PDE4D: variants seen among roughly 807,000 people sequenced by gnomAD.
The protein encoded by PDE4D is phosphodiesterase 4D, also known as 3',5'-cyclic-AMP phosphodiesterase 4D.
PDE4D carries 24 observed loss-of-function variants against 87.4 expected under a neutral mutation model. The ratio of observed to expected loss-of-function variants is 0.27; its 90% CI spans 0.20 to 0.39. PDE4D has a LOEUF of 0.39. Ranked by LOEUF, PDE4D falls within the 10% of genes least tolerant of loss-of-function variation. The pLI, the probability that PDE4D is intolerant of heterozygous loss-of-function variation, is 1.00. For synonymous variants in PDE4D, 384 were observed against 383.2 expected, an observed-to-expected ratio of 1.00 and a Z score of -0.02; for missense variants, 714 against 1,041.0, an observed-to-expected ratio of 0.69 and a Z score of 4.32.
chr5:59,698,762 C>A (rs536237883), intron 1 of PDE4D, among the ~76,000 whole-genome samples: 1 of 152,272 alleles, frequency 6.6e-6, no homozygotes, highest in East Asian at 1.9e-4. Context: ...AATCAACATT[C>A]TGCGCTGAAG....
At chr5:59,357,290 T>G (rs1160723293) in intron 1 of PDE4D, among the ~76,000 whole-genome samples, 2 of 152,142 alleles carry the variant, frequency 1.3e-5, no homozygotes, top group Non-Finnish European at 2.9e-5. Flanking sequence ...AGGGCTTCGT[T>G]AAAAAATTTT....
chr5:59,906,402 A>G (rs2152766348), intron 3 of PDE4D, among the ~76,000 whole-genome samples: 1 of 152,300 alleles, frequency 6.6e-6, no homozygotes, highest in African/African-American at 2.4e-5. Context: ...CAATAGAAAT[A>G]GCACATACTG....
At chr5:59,298,495 G>T (rs970370184) in intron 1 of PDE4D, among the ~76,000 whole-genome samples, 2 of 152,098 alleles carry the variant, frequency 1.3e-5, no homozygotes, top group East Asian at 3.9e-4. Flanking sequence ...CAATTTAGGA[G>T]AATTTCTGAA....
At position 59,727,413 on chromosome 5, in the gene PDE4D, C is replaced by T. The variant is rs190343786; in HGVS notation, c.455+165755G>A. 9.5e-4 allele frequency among the ~76,000 whole-genome samples: 145 copies of T among 152,162 alleles called. 2 individuals are homozygous for T. The highest frequency in any genetic ancestry group is 4.7e-3 in the Admixed American group (72 of 15,262). ...TAAAATGTGTGGGCTGGTTTATCCA[C>T]GCATTAAAAGCAAGCTTCCAGCTGA... On this transcript the variant is annotated intron_variant, in intron 1 of 14. Transcript: ENST00000340635.
intron 1 of PDE4D, among the ~76,000 whole-genome samples, chr5:59,781,143 G>A (rs1283571576): frequency 2.2e-5 from 3 of 135,290 alleles, no homozygotes; most frequent in African/African-American, 8.1e-5. Flanking sequence ...TCCAGCCTGG[G>A]TGACAAGAGT....
intron 1 of PDE4D, among the ~76,000 whole-genome samples, chr5:59,723,606 C>T (rs1206708810): frequency 2.0e-5 from 3 of 152,056 alleles, no homozygotes; most frequent in African/African-American, 7.2e-5. Flanking sequence ...GATGCAATGT[C>T]CCTGATAGGA....
chr5:58,993,043 G>A (rs540452597), intron 7 of PDE4D, among the ~76,000 whole-genome samples: 15 of 152,164 alleles, frequency 9.9e-5, no homozygotes, highest in African/African-American at 3.6e-4. Flanking sequence ...CCCAACAATG[G>A]CTGGCATTTA....
chr5:59,649,491 A>G (rs1327298711), intron 1 of PDE4D, among the ~76,000 whole-genome samples: 1 of 152,094 alleles, frequency 6.6e-6, no homozygotes, highest in African/African-American at 2.4e-5. Flanking sequence ...AGAAGAAGGA[A>G]TTGAAATGAG....
intron 1 of PDE4D, among the ~76,000 whole-genome samples, chr5:59,307,503 C>A (rs1216509371): frequency 2.0e-5 from 3 of 152,092 alleles, no homozygotes; most frequent in Non-Finnish European, 4.4e-5. Context: ...TGAACTCAAA[C>A]AAATTCACAA....
At chr5:60,307,207 A>G (rs1710340769) in intron 1 of PDE4D, among the ~76,000 whole-genome samples, 1 of 152,174 alleles carries the variant, frequency 6.6e-6, no homozygotes, top group Admixed American at 6.5e-5. Context: ...CAGAAACAGA[A>G]GCATTATTTT....
chr5:59,386,679 C>T (rs1787083643), intron 1 of PDE4D, among the ~76,000 whole-genome samples: 1 of 73,118 alleles, frequency 1.4e-5, no homozygotes, highest in Non-Finnish European at 2.9e-5. Context: ...AAGGGCAGGG[C>T]AGCGCAGGAG....
At chr5:59,238,059 G>T (rs1348064980) in intron 1 of PDE4D, among the ~76,000 whole-genome samples, 1 of 152,056 alleles carries the variant, frequency 6.6e-6, no homozygotes, top group Non-Finnish European at 1.5e-5. Flanking sequence ...AGAACACAGG[G>T]TCTAGGCAGC....
At chr5:60,203,058 T>C (rs1742112812) in intron 1 of PDE4D, among the ~76,000 whole-genome samples, 1 of 152,190 alleles carries the variant, frequency 6.6e-6, no homozygotes, top group South Asian at 2.1e-4. Context: ...CCGCAACTTC[T>C]GCCTCCCAGG....
At chr5:58,982,150 G>C (rs1184974824) in intron 11 of PDE4D, among the ~76,000 whole-genome samples, 1 of 152,156 alleles carries the variant, frequency 6.6e-6, no homozygotes, top group Admixed American at 6.5e-5. Context: ...TGGGTCACTG[G>C]GGGTAATTAT....
intron 2 of PDE4D, among the ~76,000 whole-genome samples, chr5:60,003,525 G>C (rs574174285): frequency 7.2e-5 from 11 of 151,864 alleles, no homozygotes; most frequent in African/African-American, 2.7e-4. Context: ...GCCTGGCCAA[G>C]ATGGTGAAAT....
chr5:60,430,950 A>C (rs1217998446), intron 1 of PDE4D: 1 of 288,278 alleles, frequency 3.5e-6, no homozygotes, highest in East Asian at 1.3e-4. Context: ...CTCTTTCTAC[A>C]CAGACACAGC....
intron 2 of PDE4D, among the ~76,000 whole-genome samples, chr5:60,088,924 C>T: frequency 6.6e-6 from 1 of 151,986 alleles, no homozygotes; most frequent in East Asian, 1.9e-4. Context: ...CTACAAGAAA[C>T]TCACTTCATC....
intron 1 of PDE4D, among the ~76,000 whole-genome samples, chr5:59,688,798 G>A (rs1277179766): frequency 6.6e-6 from 1 of 152,056 alleles, no homozygotes; most frequent in Non-Finnish European, 1.5e-5. Context: ...ATTTTGAAAA[G>A]ATCAACAAAA....
intron 1 of PDE4D, among the ~76,000 whole-genome samples, chr5:59,334,247 G>GTTTT (rs564248041): frequency 0.017 from 1,643 of 98,578 alleles, 107 homozygotes; most frequent in South Asian, 0.026. Flanking sequence ...ATCCAGTGGA[G>GTTTT]TTTTTTTTTT....
Sources: allele counts gnomAD v4.1 joint callset (sites outside exome capture counted in the v4.1 genomes callset), GRCh38; gene constraint gnomAD v4.1.1; transcripts MANE v1.5; gene names NCBI Gene and HGNC (gene_info 2026-07-23, HGNC 2026-07-21).